Variants in CEP76 observed in about 807,000 individuals in gnomAD.
The protein encoded by CEP76 is centrosomal protein 76, also known as centrosomal protein of 76 kDa.
In CEP76, 55 loss-of-function variants were observed where a neutral mutation model predicts 83.3. The ratio of observed to expected loss-of-function variants is 0.66; its 90% confidence interval spans 0.53 to 0.83. CEP76 has a LOEUF of 0.83. Among genes scored for constraint, CEP76 ranks in the 40% least tolerant of loss-of-function variants. CEP76 has a pLI of 0.00. For synonymous variants in CEP76, 270 were observed against 274.5 expected, an observed-to-expected ratio of 0.98 and a Z score of 0.16; for missense variants, 694 against 799.5, an observed-to-expected ratio of 0.87 and a Z score of 1.59.
intron 7 of CEP76, among the ~76,000 whole-genome samples, chr18:12,687,088 A>C (rs914915126): frequency 4.6e-5 from 7 of 152,114 alleles, no homozygotes; most frequent in Admixed American, 3.9e-4. Context: ...TACCACTGTG[A>C]TTTTACAGTG....
At chr18:12,666,744 C>T (rs1236425283) in intron 12 of CEP76, among the ~76,000 whole-genome samples, 1 of 149,460 alleles carries the variant, frequency 6.7e-6, no homozygotes, top group African/African-American at 2.5e-5. Flanking sequence ...TCACCACACC[C>T]GGCCAAAAAA....
intron 9 of CEP76, 86 bp from the exon 10 acceptor site, chr18:12,678,528 G>T: frequency 2.4e-6 from 2 of 836,306 alleles, no homozygotes; most frequent in Non-Finnish European, 3.7e-6. Flanking sequence ...AACACTTAAG[G>T]CCATAACTAC....
chr18:12,687,857 G>T (rs963649754), intron 7 of CEP76, among the ~76,000 whole-genome samples: 4 of 152,042 alleles, frequency 2.6e-5, no homozygotes, highest in Non-Finnish European at 4.4e-5. Flanking sequence ...TAATAATCTA[G>T]TGTGGTATAA....
chr18:12,675,752 T>C (rs922393856), intron 10 of CEP76, among the ~76,000 whole-genome samples: 1 of 152,060 alleles, frequency 6.6e-6, no homozygotes, highest in Non-Finnish European at 1.5e-5. Context: ...CACTGCAACC[T>C]CTGCCTCCCA....
chr18:12,686,198 T>G, intron 8 of CEP76, 64 bp downstream of exon 8: 1 of 1,327,750 alleles, frequency 7.5e-7, no homozygotes, highest in East Asian at 2.4e-5. Flanking sequence ...CTTTTACAAA[T>G]GGATTACAAA....
At chr18:12,702,415 C>A in intron 1 of CEP76, 71 bp downstream of exon 1, 1 of 1,234,502 alleles carries the variant, frequency 8.1e-7, no homozygotes, top group Non-Finnish European at 1.2e-6. Context: ...GCTGTCGGCC[C>A]GGGGCCGCCG....
At chr18:12,679,805 A>G (rs756227596) in intron 9 of CEP76, among the ~76,000 whole-genome samples, 4 of 152,082 alleles carry the variant, frequency 2.6e-5, no homozygotes, top group Non-Finnish European at 5.9e-5. Context: ...GCTCATGCCT[A>G]TAATCTCAGC....
At chr18:12,695,187 G>A in intron 6 of CEP76, 67 bp downstream of exon 6, 1 of 586,346 alleles carries the variant, frequency 1.7e-6, no homozygotes, top group Middle Eastern at 3.7e-4. Context: ...TGCTTTCTAG[G>A]ATCAACAGGT....
chr18:12,702,730 C>G, upstream of CEP76: 1 of 650,756 alleles, frequency 1.5e-6, no homozygotes, highest in Non-Finnish European at 2.5e-6. Context: ...AAATGAGGCC[C>G]CGGCGGCGGC....
At chr18:12,698,417 C>T (rs892404224) in intron 4 of CEP76, among the ~76,000 whole-genome samples, 4 of 152,098 alleles carry the variant, frequency 2.6e-5, no homozygotes, top group African/African-American at 7.2e-5. Context: ...GACCCACCTG[C>T]CTTGGCCTCC....
At position 12,695,852 on chromosome 18, in the gene CEP76, CCACA is replaced by C. The variant is rs375916938; in HGVS notation, c.707-505_707-502del. Among the ~76,000 whole-genome samples, 1,125 of 148,344 alleles carry C rather than the reference CCACA, an allele frequency of 7.6e-3. 13 individuals carry two copies. Among genetic ancestry groups the C allele is most frequent in the South Asian group, 0.016 (74 of 4,642 alleles). Reference sequence around the variant, plus strand: ...CAACTGTTAACACCTCATTCCTTCTCCACACACACACACACACACACACACACAC... The same window carrying C: ...CAACTGTTAACACCTCATTCCTTCTCCACACACACACACACACACACACAC... On this transcript the variant is annotated intron_variant, in intron 5 of 11. Coordinates refer to ENST00000262127, the MANE Select transcript of CEP76 (RefSeq NM_024899.4).
intron 4 of CEP76, among the ~76,000 whole-genome samples, chr18:12,698,164 ATATT>A (rs1568032747): frequency 5.8e-5 from 8 of 137,412 alleles, no homozygotes; most frequent in South Asian, 4.1e-4. Context: ...TATTTTATTT[ATATT>A]TATTTGTAAG....
In CEP76 at chr18:12,674,649, AT is replaced by A. The variant is rs753390137; in HGVS notation, c.1727del (p.Asn576MetfsTer8). ...TTCTTATGGCATCTTGAAATTCTTCATTGCCTGCTGATATACTTGTTGTACG... is the reference window on the plus strand; with the variant it reads ...TTCTTATGGCATCTTGAAATTCTTCATGCCTGCTGATATACTTGTTGTACG... ...FERTTSISAG[N>X]EEFQDAIRRA... On this transcript the variant is annotated frameshift_variant, in exon 11 of 12. Coordinates refer to ENST00000262127, the MANE Select transcript of CEP76 (RefSeq NM_024899.4). LOFTEE classifies it high-confidence loss of function. 1.2e-6 allele frequency: 2 copies of A among 1,613,918 alleles called. No homozygotes were observed. Among genetic ancestry groups the A allele is most frequent in the Non-Finnish European group, 1.7e-6 (2 of 1,179,896 alleles).
chr18:12,662,011 T>A (rs924866781), exon 13 of CEP76: 1 of 255,322 alleles, frequency 3.9e-6, no homozygotes, highest in Non-Finnish European at 8.1e-6. Flanking sequence ...TGACTTTTTT[T>A]ATATTTACTT....
At chr18:12,689,377 T>C (rs991780342) in intron 7 of CEP76, among the ~76,000 whole-genome samples, 1 of 152,160 alleles carries the variant, frequency 6.6e-6, no homozygotes, top group Admixed American at 6.6e-5. Flanking sequence ...AAGGCACCAG[T>C]TGAAACTCCA....
At chr18:12,692,786 A>T (rs922717700) in intron 6 of CEP76, among the ~76,000 whole-genome samples, 1 of 152,198 alleles carries the variant, frequency 6.6e-6, no homozygotes, top group Non-Finnish European at 1.5e-5. Context: ...AGTGTCTAGC[A>T]CATTTTGACA....
At chr18:12,662,498 G>A (rs1003415363) in intron 12 of CEP76, among the ~76,000 whole-genome samples, 1 of 152,174 alleles carries the variant, frequency 6.6e-6, no homozygotes, top group African/African-American at 2.4e-5. Flanking sequence ...TCCTGAGCCC[G>A]GCCATGGGGG....
At position 12,665,929 on chromosome 18, in the gene CEP76, C is replaced by T. The variant is rs565803809; in HGVS notation, c.*1728-3760G>A. Among the ~76,000 whole-genome samples the T allele has an allele frequency of 2.6e-4, 40 of 152,160 alleles. 1 individual carries two copies. In the East Asian group the frequency reaches 4.3e-3, roughly 16 times the overall value. On this transcript the variant is annotated intron_variant and NMD_transcript_variant, in intron 12 of 12. Coordinates refer to the CEP76 transcript ENST00000590143. Reference sequence around the variant, plus strand: ...CCAGGCTGGTCTTGAACGCCTGACCCCGTGATCTGCCCACCCTGGCCTCCC... The same window carrying T: ...CCAGGCTGGTCTTGAACGCCTGACCTCGTGATCTGCCCACCCTGGCCTCCC...
chr18:12,697,728 T>C (rs750384498), intron 4 of CEP76, among the ~76,000 whole-genome samples: 1 of 152,198 alleles, frequency 6.6e-6, no homozygotes, highest in Non-Finnish European at 1.5e-5. Context: ...AGCCTTCAAG[T>C]ATGTCAATAT....
Sources: allele counts gnomAD v4.1 joint callset (sites outside exome capture counted in the v4.1 genomes callset), GRCh38; gene constraint gnomAD v4.1.1; transcripts MANE v1.5; gene names NCBI Gene and HGNC (gene_info 2026-07-23, HGNC 2026-07-21).